DNAH11: variants seen among roughly 807,000 people sequenced by gnomAD.
DNAH11 encodes axonemal beta dynein heavy chain 11.
DNAH11 carries 442 observed loss-of-function variants against 526.0 expected under a neutral mutation model. The ratio of observed to expected loss-of-function variants is 0.84; its 90% CI spans 0.78 to 0.91. DNAH11 has a LOEUF of 0.91. Among genes scored for constraint, DNAH11 ranks in the 40% least tolerant of loss-of-function variants. The pLI, the probability that DNAH11 is intolerant of heterozygous loss-of-function variation, is 0.00. For missense variants in DNAH11, 6,989 were observed against 5,448.7 expected (o/e 1.28, Z -8.90); for synonymous variants, 2,461 against 1,935.9 (o/e 1.27, Z -7.12).
At chr7:21,843,207 T>A (rs1045395173) in intron 66 of DNAH11, among the ~76,000 whole-genome samples, 1 of 152,116 alleles carries the variant, frequency 6.6e-6, no homozygotes, top group African/African-American at 2.4e-5. Flanking sequence ...AATTTAGTGT[T>A]ATATACAGAA....
Position 21,655,849 on chromosome 7 carries a change from C to T in DNAH11, c.4962C>T (p.Ala1654=), listed in dbSNP as rs767186276. 3.7e-6 allele frequency: 6 copies of T among 1,612,970 alleles called. No individual in the cohort carries two copies. Among genetic ancestry groups the T allele is most frequent in the Non-Finnish European group, 5.1e-6 (6 of 1,179,392 alleles). The change falls in exon 29 of 82, where the codon GCC becomes GCT. Residue 1654 remains alanine, a synonymous_variant. Transcript: ENST00000409508. The stretch of plus-strand genomic sequence containing the variant: ...CATTTTAGGTAACATGTCACCTTGC[C>T]AAACTTTTCGACAGCATTGCAGATC... ...AQPKQVTCHL[A]KLFDSIADLQ...
chr7:21,601,930 T>C (rs1785106276), intron 18 of DNAH11, among the ~76,000 whole-genome samples: 1 of 152,060 alleles, frequency 6.6e-6, no homozygotes, highest in African/African-American at 2.4e-5. Context: ...TTGAGTTCAG[T>C]TTTACCATCA....
chr7:21,803,460 G>C (rs1789088705), intron 62 of DNAH11, among the ~76,000 whole-genome samples: 1 of 152,124 alleles, frequency 6.6e-6, no homozygotes, highest in South Asian at 2.1e-4. Context: ...GTAGAGAAAG[G>C]GAACAATCTG....
chr7:21,753,059 A>T (rs1786480216), intron 54 of DNAH11, among the ~76,000 whole-genome samples: 1 of 152,170 alleles, frequency 6.6e-6, no homozygotes, highest in South Asian at 2.1e-4. Context: ...AAAACTCAAC[A>T]GTTTCTTAAA....
Position 21,543,323 on chromosome 7 carries a change from C to T in DNAH11, c.78C>T (p.Gly26=), listed in dbSNP as rs746309042. Residue 26 remains glycine (G), a synonymous_variant, in exon 1 of 82, where the codon GGC becomes GGT. Transcript: ENST00000409508. The stretch of plus-strand genomic sequence containing the variant: ...CCCTTCGCCTAACCTCGGGGGCCGG[C>T]CTGGAGGCAGTGGGCGCTGTGGAGC... The part of the protein sequence containing the change: ...APTLRLTSGA[G]LEAVGAVELE... 1 of 1,550,580 alleles carries T rather than the reference C, an allele frequency of 6.4e-7. No individual in the cohort carries two copies. Among genetic ancestry groups the T allele is most frequent in the Non-Finnish European group, 8.7e-7 (1 of 1,146,704 alleles).
intron 57 of DNAH11, among the ~76,000 whole-genome samples, chr7:21,779,903 C>G (rs1787861651): frequency 6.6e-6 from 1 of 152,100 alleles, no homozygotes; most frequent in South Asian, 2.1e-4. Context: ...TTATAAGTTG[C>G]TAACATTCTC....
Position 21,707,694 on chromosome 7 carries a change from C to G in DNAH11, c.6547-5C>G, listed in dbSNP as rs115200161. The G allele has an allele frequency of 2.3e-3, 3,698 of 1,605,354 alleles. 72 individuals carry two copies. In the African/African-American group the frequency reaches 0.045, roughly 19 times the overall value. ...TTTTTTTGGCTCTTTCCTCCTTCCC[C>G]TCAGATTTTGAGAACACTGAACCGA... is the stretch of plus-strand genomic sequence containing the variant. On this transcript the variant is annotated splice_polypyrimidine_tract_variant and splice_region_variant and intron_variant, in intron 39 of 81. Transcript: ENST00000409508.
Position 21,894,495 on chromosome 7 carries a change from A to G in DNAH11, c.12751-128A>G, listed in dbSNP as rs978622408. 5 of 929,938 alleles carry G rather than the reference A, an allele frequency of 5.4e-6. No homozygotes were observed. The African/African-American group carries it at 8.3e-5, about 15-fold the overall frequency. The allele number at this position is 929,938 out of a possible 1,614,324, so 57.6% of individuals were successfully genotyped here. A position where few individuals can be genotyped will look rare whatever the true frequency, so the allele number is the denominator to read the frequency against. On this transcript the variant is annotated intron_variant, in intron 77 of 81. Coordinates refer to ENST00000409508, the MANE Select transcript of DNAH11 (RefSeq NM_001277115.2). ...CCTGGGAGCCGTAGGCATCCTTCAC[A>G]TGCATTTGCAGGCACCTTCGGAAGT...
intron 31 of DNAH11, 93 bp downstream of exon 31, chr7:21,681,770 T>C: frequency 6.7e-7 from 1 of 1,499,920 alleles, no homozygotes; most frequent in Non-Finnish European, 9.3e-7. Context: ...GTTGTTTTTT[T>C]GAAAGTTTGT....
At chr7:21,584,433 T>TG (rs1002772052) in intron 9 of DNAH11, among the ~76,000 whole-genome samples, 4 of 150,052 alleles carry the variant, frequency 2.7e-5, no homozygotes, top group South Asian at 2.1e-4. Context: ...TGTCAGGGAG[T>TG]GGGGGGCTAG....
At chr7:21,755,376 C>T (rs938446550) in intron 54 of DNAH11, among the ~76,000 whole-genome samples, 1 of 152,158 alleles carries the variant, frequency 6.6e-6, no homozygotes, top group Non-Finnish European at 1.5e-5. Context: ...GACCTTAGTT[C>T]ACCCAATAAT....
intron 65 of DNAH11, among the ~76,000 whole-genome samples, chr7:21,836,911 G>T (rs946079339): frequency 6.6e-6 from 1 of 151,836 alleles, no homozygotes; most frequent in Non-Finnish European, 1.5e-5. Context: ...AAAATGAAAA[G>T]GATGTGATTC....
rs148707462 is a variant in DNAH11 at position 21,899,399 on chromosome 7, G to A, written c.13113G>A (p.Pro4371=). The change falls in exon 80 of 82, where the codon CCG becomes CCA. Residue 4371 remains proline (P), a synonymous_variant. Transcript: ENST00000409508. ...CTTGGACACAAGACCTTACCCTTCCGGCTGTCGTGTGGCTCTCCGGCTTCT... is the reference window on the plus strand; with the variant it reads ...CTTGGACACAAGACCTTACCCTTCCAGCTGTCGTGTGGCTCTCCGGCTTCT... ...LDTWTQDLTL[P]AVVWLSGFFN... is the part of the protein sequence containing the mutation. 3.4e-4 allele frequency: 549 copies of A among 1,613,884 alleles called. 2 individuals carry two copies. In the Middle Eastern group the frequency reaches 6.3e-3, roughly 18 times the overall value.
At chr7:21,840,168 A>G (rs1164257054) in intron 65 of DNAH11, among the ~76,000 whole-genome samples, 3 of 152,198 alleles carry the variant, frequency 2.0e-5, no homozygotes. Flanking sequence ...ATCACTCCTC[A>G]AATTAAAAAT....
At chr7:21,845,678 T>C (rs1302701791) in intron 66 of DNAH11, among the ~76,000 whole-genome samples, 1 of 152,210 alleles carries the variant, frequency 6.6e-6, no homozygotes, top group Non-Finnish European at 1.5e-5. Context: ...ACTTTGTTTT[T>C]CTGTATATTT....
At chr7:21,780,198 C>A (rs956955215) in intron 57 of DNAH11, among the ~76,000 whole-genome samples, 1 of 151,950 alleles carries the variant, frequency 6.6e-6, no homozygotes, top group African/African-American at 2.4e-5. Context: ...GCATGTAATT[C>A]CTAATTTGGG....
chr7:21,669,448 G>A (rs1329418153), intron 30 of DNAH11, among the ~76,000 whole-genome samples: 2 of 152,128 alleles, frequency 1.3e-5, no homozygotes, highest in South Asian at 4.2e-4. Context: ...TGGGATTAAA[G>A]GTGTGAGCCA....
chr7:21,768,464 G>C (rs1413013539), intron 55 of DNAH11, among the ~76,000 whole-genome samples: 1 of 152,246 alleles, frequency 6.6e-6, no homozygotes, highest in Non-Finnish European at 1.5e-5. Flanking sequence ...ACAGTGAGCT[G>C]TCTGGTGAAG....
intron 55 of DNAH11, 55 bp downstream of exon 55, chr7:21,765,644 A>ACG: frequency 1.8e-6 from 2 of 1,100,770 alleles, no homozygotes; most frequent in Non-Finnish European, 2.4e-6. Context: ...ACACACACAC[A>ACG]CACACACACA....
Sources: gnomAD v4.1 joint callset for allele counts (sites outside exome capture counted in the v4.1 genomes callset) on GRCh38, gnomAD v4.1.1 for gene constraint, MANE v1.5 for transcripts, NCBI Gene and HGNC (gene_info 2026-07-23, HGNC 2026-07-21) for gene names.